Variants in TENT2 observed in about 807,000 individuals in gnomAD.
The protein encoded by TENT2 is terminal nucleotidyltransferase 2, also known as poly(A) RNA polymerase GLD2.
Under a neutral mutation model 72.2 loss-of-function variants are expected in TENT2, and 44 were observed. The observed-to-expected ratio is 0.61, with a 90% CI of 0.48 to 0.78. TENT2 has a LOEUF of 0.78. TENT2 is among the 30% of genes least tolerant of loss of function. The pLI, the probability that TENT2 is intolerant of heterozygous loss-of-function variation, is 0.00. For missense variants in TENT2, 541 were observed against 569.6 expected (o/e 0.95, Z 0.51); for synonymous variants, 212 against 192.5 (o/e 1.10, Z -0.84).
chr5:79,649,276 A>C, intron 10 of TENT2, 86 bp downstream of exon 10: 1 of 1,286,712 alleles, frequency 7.8e-7, no homozygotes, highest in Non-Finnish European at 1.1e-6. Flanking sequence ...ATTTTCAAAT[A>C]GTATTGTTTT....
At chr5:79,626,376 C>T (rs1011980246) in intron 4 of TENT2, among the ~76,000 whole-genome samples, 25 of 149,604 alleles carry the variant, frequency 1.7e-4, no homozygotes, top group Admixed American at 1.3e-3. Context: ...GGTACGAACT[C>T]GGCTCACTGC....
rs948815776 is a variant in TENT2, at chr5:79,626,280, T to G, written c.465+2791T>G. Among the ~76,000 whole-genome samples the G allele has an allele frequency of 3.3e-5, 5 of 150,488 alleles. No individual in the cohort carries two copies. In the East Asian group the frequency reaches 9.8e-4, roughly 29 times the overall value. On this transcript the variant is annotated intron_variant, in intron 4 of 14. Coordinates refer to ENST00000453514, the MANE Select transcript of TENT2 (RefSeq NM_001114394.3). ...CCTCCTGAGTAGCTGGGACTATCGA[T>G]AGGTGTGGGCCACCATGCCCAGCTA... is the stretch of plus-strand genomic sequence containing the variant.
At chr5:79,648,571 GTTC>G in intron 8 of TENT2, 43 bp from the exon 9 acceptor site, 1 of 1,342,972 alleles carries the variant, frequency 7.4e-7, no homozygotes, top group African/African-American at 1.5e-5. Context: ...AAGTTTTTTT[GTTC>G]TTCAGCTAAA....
Position 79,685,538 on chromosome 5 carries a change from T to G in TENT2, c.*265T>G. The G allele has an allele frequency of 4.0e-6, 1 of 252,456 alleles. No individual in the cohort carries two copies. The highest frequency in any genetic ancestry group is 7.1e-6 in the Non-Finnish European group (1 of 139,888). 15.6% of individuals were successfully genotyped at this position (252,456 alleles called of 1,614,324 possible). ...TCAGGTGATCAGATAAAATATATTT[T>G]GGGAAATTAACTGAACAAATAAAAA... On this transcript the variant is annotated 3_prime_UTR_variant, in exon 15 of 15. Coordinates refer to ENST00000453514, the MANE Select transcript of TENT2 (RefSeq NM_001114394.3).
At chr5:79,672,534 A>C (rs1314598417) in intron 12 of TENT2, among the ~76,000 whole-genome samples, 1 of 152,184 alleles carries the variant, frequency 6.6e-6, no homozygotes, top group African/African-American at 2.4e-5. Context: ...TTTAATTTTT[A>C]GATCCCACAG....
chr5:79,614,398 C>T (rs866835991), intron 1 of TENT2, among the ~76,000 whole-genome samples: 2 of 152,092 alleles, frequency 1.3e-5, no homozygotes, highest in African/African-American at 2.4e-5. Flanking sequence ...CCACTGTGCC[C>T]GGCCGAATTA....
At chr5:79,678,176 T>C (rs373589716) in intron 12 of TENT2, among the ~76,000 whole-genome samples, 1 of 152,314 alleles carries the variant, frequency 6.6e-6, no homozygotes, top group East Asian at 1.9e-4. Context: ...CTCCTCTTGA[T>C]CGGAACAAAA....
At chr5:79,661,063 G>A (rs1484682611) in intron 11 of TENT2, among the ~76,000 whole-genome samples, 2 of 152,064 alleles carry the variant, frequency 1.3e-5, no homozygotes, top group African/African-American at 2.4e-5. Context: ...TATTGGTATC[G>A]TTGTGCAATG....
At chr5:79,631,910 A>G (rs1328993651) in intron 4 of TENT2, among the ~76,000 whole-genome samples, 1 of 152,216 alleles carries the variant, frequency 6.6e-6, no homozygotes, top group Non-Finnish European at 1.5e-5. Flanking sequence ...GTATAGATAC[A>G]GGGAAATTTG....
intron 4 of TENT2, among the ~76,000 whole-genome samples, chr5:79,624,006 T>C (rs1359237489): frequency 1.3e-5 from 2 of 152,210 alleles, no homozygotes; most frequent in Admixed American, 1.3e-4. Flanking sequence ...TAATAATTCT[T>C]GGAAAATGAC....
At chr5:79,618,747 T>C (rs1762451695) in intron 1 of TENT2, among the ~76,000 whole-genome samples, 1 of 152,206 alleles carries the variant, frequency 6.6e-6, no homozygotes, top group African/African-American at 2.4e-5. Flanking sequence ...GCCTGTCAAC[T>C]AGTTGGCTTC....
At chr5:79,671,281 C>G (rs185746184) in intron 12 of TENT2, among the ~76,000 whole-genome samples, 1 of 152,070 alleles carries the variant, frequency 6.6e-6, no homozygotes, top group East Asian at 1.9e-4. Flanking sequence ...GTGGGGATCA[C>G]AGCCAAGAAT....
chr5:79,677,307 A>G (rs1818018837), intron 12 of TENT2, among the ~76,000 whole-genome samples: 5 of 152,194 alleles, frequency 3.3e-5, no homozygotes, highest in African/African-American at 1.2e-4. Context: ...AACTTAAATG[A>G]TATCTGGTAA....
chr5:79,661,286 C>T (rs1314907421), intron 11 of TENT2, among the ~76,000 whole-genome samples: 1 of 152,166 alleles, frequency 6.6e-6, no homozygotes, highest in Non-Finnish European at 1.5e-5. Flanking sequence ...TTGACTCACC[C>T]AGCAACTACC....
intron 10 of TENT2, among the ~76,000 whole-genome samples, chr5:79,650,201 A>G (rs1580440845): frequency 1.3e-5 from 2 of 152,286 alleles, no homozygotes; most frequent in South Asian, 4.1e-4. Flanking sequence ...TTTAGCATAT[A>G]TAATACTCAT....
At chr5:79,659,588 AT>A (rs1801056617) in intron 11 of TENT2, among the ~76,000 whole-genome samples, 2 of 131,762 alleles carry the variant, frequency 1.5e-5, no homozygotes, top group African/African-American at 5.6e-5. Context: ...ATATATATAT[AT>A]ATATAATAGC....
chr5:79,680,523 T>G (rs1001190981), intron 13 of TENT2, among the ~76,000 whole-genome samples: 2 of 152,200 alleles, frequency 1.3e-5, no homozygotes, highest in African/African-American at 4.8e-5. Context: ...TAACATAGCC[T>G]TTCTAAGCAC....
At chr5:79,661,321 A>G (rs903147840) in intron 11 of TENT2, among the ~76,000 whole-genome samples, 4 of 152,286 alleles carry the variant, frequency 2.6e-5, no homozygotes, top group Non-Finnish European at 5.9e-5. Context: ...CACTCATGGT[A>G]AGGGTATACT....
chr5:79,631,025 G>T (rs962330178), intron 4 of TENT2, among the ~76,000 whole-genome samples: 1 of 152,036 alleles, frequency 6.6e-6, no homozygotes, highest in Non-Finnish European at 1.5e-5. Flanking sequence ...TTTAGAGGTG[G>T]AATCCATAAC....
Sources: allele counts gnomAD v4.1 joint callset (sites outside exome capture counted in the v4.1 genomes callset), GRCh38; gene constraint gnomAD v4.1.1; transcripts MANE v1.5; gene names NCBI Gene and HGNC (gene_info 2026-07-23, HGNC 2026-07-21).